Variants in STX18 observed in about 807,000 individuals in gnomAD.
STX18 encodes the protein syntaxin-18.
A neutral mutation model predicts 50.1 loss-of-function variants in STX18; 40 were observed. The ratio of observed to expected loss-of-function variants is 0.80; its 90% CI spans 0.62 to 1.04. The LOEUF is 1.04. STX18 is among the 50% of genes least tolerant of loss of function. The pLI is 0.00. For synonymous variants in STX18, 158 were observed against 151.8 expected (o/e 1.04, Z -0.30); for missense variants, 410 against 415.8 (o/e 0.99, Z 0.12).
At chr4:4,445,156 C>T (rs538786915) in intron 5 of STX18, among the ~76,000 whole-genome samples, 1 of 152,334 alleles carries the variant, frequency 6.6e-6, no homozygotes, top group African/African-American at 2.4e-5. Flanking sequence ...AATCCCAGCA[C>T]TTTAGGAGGC....
At chr4:4,462,001 G>A (rs1727406083) in intron 2 of STX18, 1 of 456,158 alleles carries the variant, frequency 2.2e-6, no homozygotes, top group African/African-American at 2.0e-5. Flanking sequence ...CGGCTGCGCA[G>A]TGGCACTAAT....
At chr4:4,504,244 T>C (rs1321687190) in intron 1 of STX18, among the ~76,000 whole-genome samples, 1 of 152,206 alleles carries the variant, frequency 6.6e-6, no homozygotes, top group Non-Finnish European at 1.5e-5. Context: ...TAGAGATTAC[T>C]TATTTTTTTT....
rs376198384 is a variant in STX18, at chr4:4,468,511, T to C, written c.236+3128A>G. Among the ~76,000 whole-genome samples, 4 of 152,208 alleles carry C rather than the reference T, an allele frequency of 2.6e-5. No homozygotes were observed. The East Asian group carries it at 7.8e-4, about 30-fold the overall frequency. ...AGCATCGCTCCTGCCTTCCCACTGCTTGCTCTGGAAATAAAGTCACCTTCC... is the reference window on the plus strand; with the variant it reads ...AGCATCGCTCCTGCCTTCCCACTGCCTGCTCTGGAAATAAAGTCACCTTCC... On this transcript the variant is annotated intron_variant, in intron 2 of 10. Transcript: ENST00000306200.
intron 1 of STX18, among the ~76,000 whole-genome samples, chr4:4,493,523 T>C (rs1729037726): frequency 6.6e-6 from 1 of 152,192 alleles, no homozygotes; most frequent in Non-Finnish European, 1.5e-5. Flanking sequence ...AAATTGTTTT[T>C]GTTTAGGTGG....
intron 5 of STX18, among the ~76,000 whole-genome samples, chr4:4,438,873 A>C (rs1203514052): frequency 6.6e-6 from 1 of 151,638 alleles, no homozygotes; most frequent in East Asian, 1.9e-4. Flanking sequence ...CTAATGCAAA[A>C]AGATTGCTGA....
intron 6 of STX18, among the ~76,000 whole-genome samples, chr4:4,435,205 T>G (rs1365297148): frequency 6.6e-6 from 1 of 152,162 alleles, no homozygotes; most frequent in Non-Finnish European, 1.5e-5. Flanking sequence ...ATGTTTTACT[T>G]CAAGACACAT....
At chr4:4,442,700 T>C (rs916618825) in intron 5 of STX18, among the ~76,000 whole-genome samples, 7 of 151,772 alleles carry the variant, frequency 4.6e-5, no homozygotes, top group East Asian at 1.9e-4. Context: ...TATTAGTGTA[T>C]TGGCGGGTGG....
At chr4:4,496,786 T>C (rs905137565) in intron 1 of STX18, among the ~76,000 whole-genome samples, 3 of 152,156 alleles carry the variant, frequency 2.0e-5, no homozygotes, top group Admixed American at 1.3e-4. Flanking sequence ...CATGTTACAC[T>C]ATGGTGTCAT....
intron 1 of STX18, among the ~76,000 whole-genome samples, chr4:4,508,904 T>C (rs1729865825): frequency 6.6e-6 from 1 of 152,240 alleles, no homozygotes; most frequent in Admixed American, 6.5e-5. Flanking sequence ...TGTTCCTTTT[T>C]ATGGCTGCAT....
At chr4:4,500,430 T>C (rs901326495) in intron 1 of STX18, among the ~76,000 whole-genome samples, 1 of 152,172 alleles carries the variant, frequency 6.6e-6, no homozygotes, top group African/African-American at 2.4e-5. Context: ...ACTATTTACA[T>C]AGTACATACA....
chr4:4,524,212 G>C (rs1329632088), intron 1 of STX18, among the ~76,000 whole-genome samples: 1 of 152,156 alleles, frequency 6.6e-6, no homozygotes, highest in Non-Finnish European at 1.5e-5. Flanking sequence ...GTTCAAAGTG[G>C]TATTTATAAT....
intron 2 of STX18, among the ~76,000 whole-genome samples, chr4:4,464,912 T>G (rs61349038): frequency 0.049 from 7,471 of 152,170 alleles, 210 homozygotes; most frequent in African/African-American, 0.063. Flanking sequence ...GTTTTTTTTT[T>G]TGTGTGTGTC....
intron 5 of STX18, among the ~76,000 whole-genome samples, chr4:4,439,623 T>G: frequency 7.3e-6 from 1 of 136,668 alleles, no homozygotes; most frequent in Non-Finnish European, 1.5e-5. Context: ...ACATATATAC[T>G]CATACACACA....
intron 1 of STX18, among the ~76,000 whole-genome samples, chr4:4,516,497 A>T (rs1730274350): frequency 6.6e-6 from 1 of 152,206 alleles, no homozygotes; most frequent in African/African-American, 2.4e-5. Context: ...TTCCGACAGG[A>T]ATTGGCCATA....
At chr4:4,529,362 GA>G (rs1241253796) in intron 1 of STX18, among the ~76,000 whole-genome samples, 1 of 152,132 alleles carries the variant, frequency 6.6e-6, no homozygotes, top group Non-Finnish European at 1.5e-5. Context: ...TCAAAAAAAA[GA>G]AAGAAAAGAA....
intron 1 of STX18, among the ~76,000 whole-genome samples, chr4:4,490,793 G>A (rs1385503295): frequency 1.3e-5 from 2 of 152,038 alleles, no homozygotes; most frequent in African/African-American, 4.8e-5. Context: ...ATAAATCACT[G>A]TTCTTCTCTC....
chr4:4,423,925 C>T (rs1275511114), intron 8 of STX18: 1 of 344,270 alleles, frequency 2.9e-6, no homozygotes, highest in Non-Finnish European at 5.4e-6. Context: ...GCCCCAGTTA[C>T]AGAAAGCAGT....
chr4:4,524,348 T>C (rs138954337), intron 1 of STX18, among the ~76,000 whole-genome samples: 32 of 152,360 alleles, frequency 2.1e-4, no homozygotes, highest in Middle Eastern at 3.4e-3. Flanking sequence ...AATTCGTCCC[T>C]GATTCTCAGC....
intron 5 of STX18, among the ~76,000 whole-genome samples, chr4:4,451,558 C>T (rs1726753144): frequency 6.6e-6 from 1 of 152,258 alleles, no homozygotes; most frequent in Non-Finnish European, 1.5e-5. Flanking sequence ...CTTTGTGTCT[C>T]TGTCACATTT....
Sources: allele counts gnomAD v4.1 joint callset (sites outside exome capture counted in the v4.1 genomes callset), GRCh38; gene constraint gnomAD v4.1.1; transcripts MANE v1.5; gene names NCBI Gene and HGNC (gene_info 2026-07-23, HGNC 2026-07-21).